SUGCT: variants seen among roughly 807,000 people sequenced by gnomAD.
SUGCT encodes succinyl-CoA:glutarate-CoA transferase, also known as succinyl-CoA:glutarate CoA-transferase.
SUGCT carries 41 observed loss-of-function variants against 55.0 expected under a neutral mutation model. The ratio of observed to expected loss-of-function variants is 0.74; its 90% CI spans 0.58 to 0.97. The LOEUF (loss-of-function observed/expected upper bound fraction) is 0.97. SUGCT is among the 50% of genes least tolerant of loss of function. The pLI, the probability that SUGCT is intolerant of heterozygous loss-of-function variation, is 0.00. For missense variants in SUGCT, 568 were observed against 547.8 expected, an observed-to-expected ratio of 1.04 and a Z score of -0.37; for synonymous variants, 187 against 200.4, an observed-to-expected ratio of 0.93 and a Z score of 0.56.
At chr7:40,991,834 CT>C in the SUGCT span, among the ~76,000 whole-genome samples, 1 of 152,128 alleles carries the variant, frequency 6.6e-6, no homozygotes, top group African/African-American at 2.4e-5. Context: ...TCAGAAGAGC[CT>C]TTCCCTCTTC....
intron 10 of SUGCT, among the ~76,000 whole-genome samples, chr7:40,456,573 T>C (rs1789500634): frequency 6.6e-6 from 1 of 151,894 alleles, no homozygotes; most frequent in Admixed American, 6.6e-5. Flanking sequence ...AGGTGATAAA[T>C]ATTATGGGAA....
chr7:40,404,005 G>A (rs919826014), intron 9 of SUGCT, among the ~76,000 whole-genome samples: 2 of 152,162 alleles, frequency 1.3e-5, no homozygotes, highest in African/African-American at 2.4e-5. Flanking sequence ...TTTCCACGCT[G>A]TAGCCATATA....
chr7:40,148,661 C>G (rs1788391272), intron 1 of SUGCT, among the ~76,000 whole-genome samples: 1 of 151,928 alleles, frequency 6.6e-6, no homozygotes, highest in Non-Finnish European at 1.5e-5. Flanking sequence ...AAACAAAAAA[C>G]AAACAAAAAA....
chr7:40,958,535 A>G, the SUGCT span, among the ~76,000 whole-genome samples: 3 of 151,634 alleles, frequency 2.0e-5, no homozygotes, highest in Non-Finnish European at 2.9e-5. Context: ...TCTTCTCTAA[A>G]CTGGTTATTC....
At chr7:40,250,828 C>CTTCTTTTTTTTTTTTTT (rs1253390486) in intron 7 of SUGCT, among the ~76,000 whole-genome samples, 10 of 121,266 alleles carry the variant, frequency 8.2e-5, no homozygotes, top group African/African-American at 3.7e-4. Flanking sequence ...TTTCACGCTT[C>CTTCTTTTTTTTTTTTTT]TTTTTTTTTT....
At chr7:40,563,197 G>A (rs779770893) in intron 12 of SUGCT, among the ~76,000 whole-genome samples, 7 of 152,080 alleles carry the variant, frequency 4.6e-5, no homozygotes, top group Non-Finnish European at 8.8e-5. Flanking sequence ...TTTTATCTGC[G>A]ACTTCCAGTT....
chr7:40,252,949 A>C (rs1207780008), intron 7 of SUGCT, among the ~76,000 whole-genome samples: 2 of 152,212 alleles, frequency 1.3e-5, no homozygotes, highest in Non-Finnish European at 2.9e-5. Context: ...GCAAGGCTAA[A>C]ACTTATTAAA....
chr7:40,249,789 C>CT (rs1790233605), intron 7 of SUGCT, among the ~76,000 whole-genome samples: 2 of 151,884 alleles, frequency 1.3e-5, no homozygotes, highest in African/African-American at 4.8e-5. Flanking sequence ...TTTTAATTGA[C>CT]TTTTTGTGTG....
the SUGCT span, among the ~76,000 whole-genome samples, chr7:40,894,553 T>C: frequency 6.6e-6 from 1 of 152,118 alleles, no homozygotes; most frequent in Non-Finnish European, 1.5e-5. Flanking sequence ...GGAGAAAATA[T>C]ATGCAAACTA....
At chr7:40,456,560 G>A (rs2151440499) in intron 10 of SUGCT, among the ~76,000 whole-genome samples, 1 of 152,140 alleles carries the variant, frequency 6.6e-6, no homozygotes, top group Non-Finnish European at 1.5e-5. Context: ...TAATAAATAT[G>A]TTAGGTGATA....
At chr7:40,223,543 A>G (rs1584386098) in intron 6 of SUGCT, among the ~76,000 whole-genome samples, 4 of 152,288 alleles carry the variant, frequency 2.6e-5, no homozygotes, top group Admixed American at 2.6e-4. Flanking sequence ...GGGCCACCAC[A>G]TGTTTTACAT....
chr7:40,510,582 TGTG>T (rs1317876161), intron 12 of SUGCT, among the ~76,000 whole-genome samples: 5 of 152,164 alleles, frequency 3.3e-5, no homozygotes, highest in African/African-American at 1.2e-4. Flanking sequence ...TGGAACGTCT[TGTG>T]GTTCTATTAA....
chr7:40,969,629 T>TTA, the SUGCT span, among the ~76,000 whole-genome samples: 1 of 152,244 alleles, frequency 6.6e-6, no homozygotes, highest in African/African-American at 2.4e-5. Context: ...AGTGCTGGAA[T>TTA]TACAGGCATG....
At chr7:40,178,783 T>C (rs1462825572) in intron 1 of SUGCT, among the ~76,000 whole-genome samples, 2 of 152,184 alleles carry the variant, frequency 1.3e-5, no homozygotes, top group African/African-American at 4.8e-5. Flanking sequence ...TCTGGAAATT[T>C]ATGCCTTTCA....
intron 1 of SUGCT, among the ~76,000 whole-genome samples, chr7:40,161,863 AT>A: frequency 6.6e-6 from 1 of 152,192 alleles, no homozygotes; most frequent in African/African-American, 2.4e-5. Flanking sequence ...AATTGGTACC[AT>A]TTTGTACCCT....
At chr7:40,221,610 C>T (rs1357091474) in intron 6 of SUGCT, among the ~76,000 whole-genome samples, 1 of 149,678 alleles carries the variant, frequency 6.7e-6, no homozygotes, top group Non-Finnish European at 1.5e-5. Flanking sequence ...TGTGCCTCAA[C>T]CTCCCGAGTA....
chr7:40,889,382 A>C, the SUGCT span, among the ~76,000 whole-genome samples: 1 of 152,130 alleles, frequency 6.6e-6, no homozygotes, highest in South Asian at 2.1e-4. Context: ...GGGAGGAGAG[A>C]GTGTCTCAGA....
chr7:40,876,272 C>T, the SUGCT span, among the ~76,000 whole-genome samples: 1 of 152,172 alleles, frequency 6.6e-6, no homozygotes, highest in Non-Finnish European at 1.5e-5. Flanking sequence ...CTCTATCTCT[C>T]AGGTGGGCAA....
chr7:40,952,105 T>A, the SUGCT span, among the ~76,000 whole-genome samples: 1 of 152,188 alleles, frequency 6.6e-6, no homozygotes, highest in Non-Finnish European at 1.5e-5. Context: ...TTTGTAGGTC[T>A]CTAAGGACTT....
Sources: gnomAD v4.1 joint callset for allele counts (sites outside exome capture counted in the v4.1 genomes callset) on GRCh38, gnomAD v4.1.1 for gene constraint, MANE v1.5 for transcripts, NCBI Gene and HGNC (gene_info 2026-07-23, HGNC 2026-07-21) for gene names.